RCL1: variants seen among roughly 807,000 people sequenced by gnomAD.
RCL1 encodes RNA 3'-terminal phosphate cyclase-like protein.
Under a neutral mutation model 42.4 loss-of-function variants are expected in RCL1, and 24 were observed. The ratio of observed to expected loss-of-function variants is 0.57; its 90% CI spans 0.41 to 0.80. The LOEUF (loss-of-function observed/expected upper bound fraction) is 0.80, where lower values mean the gene tolerates loss of function less well. RCL1 is among the 30% of genes least tolerant of loss of function. The pLI is 0.00. For synonymous variants in RCL1, 228 were observed against 177.3 expected, an observed-to-expected ratio of 1.29 and a Z score of -2.27; for missense variants, 578 against 467.9, an observed-to-expected ratio of 1.24 and a Z score of -2.17.
chr9:4,840,488 C>T lies in RCL1; in HGVS notation c.585-744C>T, dbSNP rs573907448. 1.1e-4 allele frequency among the ~76,000 whole-genome samples: 17 copies of T among 152,248 alleles called. 3 individuals carry two copies. In the South Asian group the frequency reaches 3.5e-3, roughly 32 times the overall value. ...AGTTTTAGGCAATAATTTCCATTTC[C>T]TCAAGCACCAATCTTTTCACTTGAG... On this transcript the variant is annotated intron_variant, in intron 5 of 8. Coordinates refer to ENST00000381750, the MANE Select transcript of RCL1 (RefSeq NM_005772.5).
At chr9:4,801,814 G>C (rs551033488) in intron 1 of RCL1, among the ~76,000 whole-genome samples, 3 of 142,302 alleles carry the variant, frequency 2.1e-5, no homozygotes, top group African/African-American at 7.8e-5. Context: ...TTGTGCCTTT[G>C]TACAAAATCA....
chr9:4,827,897 T>A (rs1816818695), intron 3 of RCL1, among the ~76,000 whole-genome samples: 2 of 151,974 alleles, frequency 1.3e-5, no homozygotes, highest in South Asian at 4.1e-4. Context: ...ATCTTAAAGC[T>A]GATGGCCGGC....
Position 4,827,468 on chromosome 9 carries a change from T to A in RCL1, c.384+435T>A. 1.2e-5 allele frequency: 4 copies of A among 327,726 alleles called. No individual in the cohort carries two copies. The South Asian group carries it at 1.9e-4, about 16-fold the overall frequency. 20.3% of individuals were successfully genotyped at this position (327,726 alleles called of 1,614,324 possible). The stretch of plus-strand genomic sequence containing the variant: ...TCTTGACTTACCCAGGCTTCAATCA[T>A]AAACTCAAGGGCTTTCTTCTTCTGA... On this transcript the variant is annotated intron_variant, in intron 3 of 8. Transcript: ENST00000381750.
intron 1 of RCL1, among the ~76,000 whole-genome samples, chr9:4,799,626 C>A (rs1368188731): frequency 2.0e-5 from 3 of 152,164 alleles, no homozygotes; most frequent in African/African-American, 7.2e-5. Flanking sequence ...CATTTGAAGA[C>A]TGCTCCATAA....
chr9:4,816,011 GA>G (rs1816363266), intron 1 of RCL1, among the ~76,000 whole-genome samples: 1 of 152,072 alleles, frequency 6.6e-6, no homozygotes, highest in Non-Finnish European at 1.5e-5. Context: ...AAACTCTTCT[GA>G]TGCACTCTGG....
chr9:4,850,123 T>A (rs1003257122), intron 8 of RCL1, among the ~76,000 whole-genome samples: 40 of 152,192 alleles, frequency 2.6e-4, no homozygotes, highest in African/African-American at 8.9e-4. Context: ...TAAATGACAC[T>A]GTGAAAGAAG....
chr9:4,845,223 AAAG>A (rs1259742595), intron 7 of RCL1, among the ~76,000 whole-genome samples: 1 of 152,230 alleles, frequency 6.6e-6, no homozygotes, highest in Non-Finnish European at 1.5e-5. Flanking sequence ...AAAATTTAAA[AAAG>A]CACAGAATAA....
chr9:4,827,456 A>T (rs1207734927), intron 3 of RCL1: 10 of 360,658 alleles, frequency 2.8e-5, no homozygotes, highest in Non-Finnish European at 5.0e-5. Context: ...TGACTTACCC[A>T]GGCTTCAATC....
intron 6 of RCL1, among the ~76,000 whole-genome samples, chr9:4,842,993 CT>C (rs1366275436): frequency 2.6e-5 from 4 of 152,190 alleles, no homozygotes; most frequent in African/African-American, 9.7e-5. Context: ...TCCATACTTA[CT>C]AATGGTGAGT....
chr9:4,841,370 G>A lies in RCL1; in HGVS notation c.710+13G>A. ...TCAACTCTGGGAAGTAAGTATCTGT[G>A]TTTTTGAAGTCTGTTTCTGCAGCTT... On this transcript the variant is annotated intron_variant, in intron 6 of 8. Coordinates refer to ENST00000381750, the MANE Select transcript of RCL1 (RefSeq NM_005772.5). 1 of 1,603,356 alleles carries A rather than the reference G, an allele frequency of 6.2e-7. No homozygotes were observed. Among genetic ancestry groups the A allele is most frequent in the Non-Finnish European group, 8.5e-7 (1 of 1,170,768 alleles).
At chr9:4,812,761 A>C (rs1816225122) in intron 1 of RCL1, among the ~76,000 whole-genome samples, 1 of 151,808 alleles carries the variant, frequency 6.6e-6, no homozygotes, top group Non-Finnish European at 1.5e-5. Context: ...TGTGTCCTAA[A>C]GTTTTCCTTT....
At chr9:4,793,307 TGTTG>T (rs1296164275) in intron 1 of RCL1, 80 bp downstream of exon 1, 2 of 1,455,446 alleles carry the variant, frequency 1.4e-6, no homozygotes, top group South Asian at 1.3e-5. Flanking sequence ...GCCCGCGCGG[TGTTG>T]GTTGGGCGGC....
At position 4,827,062 on chromosome 9, in the gene RCL1, G is replaced by A. The variant is rs181026005; in HGVS notation, c.384+29G>A. 1.4e-4 allele frequency: 232 copies of A among 1,613,948 alleles called. 1 individual carries two copies. The African/African-American group carries it at 2.8e-3, about 19-fold the overall frequency. ...AGTATTGAGAACAAACCGTGGTGTGGTTTTTGTTTTGTCTCTTGTCACAAC... is the reference window on the plus strand; with the variant it reads ...AGTATTGAGAACAAACCGTGGTGTGATTTTTGTTTTGTCTCTTGTCACAAC... On this transcript the variant is annotated intron_variant, in intron 3 of 8. Transcript: ENST00000381750.
At chr9:4,824,624 ACT>A (rs1198284545) in intron 2 of RCL1, among the ~76,000 whole-genome samples, 3 of 151,900 alleles carry the variant, frequency 2.0e-5, no homozygotes, top group South Asian at 2.1e-4. Flanking sequence ...GACTCCATTA[ACT>A]CTCTACCTTT....
At chr9:4,846,189 A>G (rs1156911798) in intron 7 of RCL1, among the ~76,000 whole-genome samples, 1 of 152,236 alleles carries the variant, frequency 6.6e-6, no homozygotes, top group Non-Finnish European at 1.5e-5. Flanking sequence ...GATGGAACAC[A>G]TGAGAATGAG....
chr9:4,834,471 C>CTT lies in RCL1; in HGVS notation c.584+224_584+225dup, dbSNP rs5896097. Among the ~76,000 whole-genome samples the CTT allele has an allele frequency of 2.3e-3, 292 of 128,418 alleles. 1 individual carries two copies. Among genetic ancestry groups the CTT allele is most frequent in the African/African-American group, 8.1e-3 (278 of 34,318 alleles). The allele number at this position is 128,418 out of a possible 152,430, so 84.2% of individuals were successfully genotyped here. Reference sequence around the variant, plus strand: ...CCATGACTAGATTGATTGAGTCATTCTTTTTTTTTTTTTTTTTTTAATTTT... The same window carrying CTT: ...CCATGACTAGATTGATTGAGTCATTCTTTTTTTTTTTTTTTTTTTTTAATTTT... On this transcript the variant is annotated intron_variant, in intron 5 of 8. Transcript: ENST00000381750.
At position 4,829,826 on chromosome 9, in the gene RCL1, C is replaced by A. The variant is rs1398123765; in HGVS notation, c.384+2793C>A. ...GTGACAATACTGAATGGTGGTTCCTCCATGACAGCCATCAGTTGGAGGTGA... is the reference window on the plus strand; with the variant it reads ...GTGACAATACTGAATGGTGGTTCCTACATGACAGCCATCAGTTGGAGGTGA... On this transcript the variant is annotated intron_variant, in intron 3 of 8. Coordinates refer to ENST00000381750, the MANE Select transcript of RCL1 (RefSeq NM_005772.5). Among the ~76,000 whole-genome samples the A allele has an allele frequency of 3.9e-5, 6 of 152,154 alleles. No homozygotes were observed. In the South Asian group the frequency reaches 1.0e-3, roughly 26 times the overall value.
intron 3 of RCL1, among the ~76,000 whole-genome samples, chr9:4,828,165 CAAAAAAA>C (rs147771721): frequency 7.9e-5 from 4 of 50,752 alleles, no homozygotes; most frequent in Admixed American, 1.8e-4. Flanking sequence ...GACTCCGTCT[CAAAAAAA>C]AAAAAAAAAA....
At chr9:4,844,901 G>A (rs2129683561) in intron 7 of RCL1, among the ~76,000 whole-genome samples, 1 of 152,302 alleles carries the variant, frequency 6.6e-6, no homozygotes, top group South Asian at 2.1e-4. Context: ...GGGCAGGTAA[G>A]TTTTAACAGT....
Sources: allele counts gnomAD v4.1 joint callset (sites outside exome capture counted in the v4.1 genomes callset), GRCh38; gene constraint gnomAD v4.1.1; transcripts MANE v1.5; gene names NCBI Gene and HGNC (gene_info 2026-07-23, HGNC 2026-07-21).